Variants in HECW2 observed in about 807,000 individuals in gnomAD.
HECW2 encodes the protein E3 ubiquitin-protein ligase HECW2.
HECW2 carries 61 observed loss-of-function variants against 175.2 expected under a neutral mutation model. That is an observed-to-expected ratio of 0.35 (90% CI 0.28 to 0.43). The LOEUF is 0.43. Among genes scored for constraint, HECW2 ranks in the 20% least tolerant of loss-of-function variants. HECW2 has a pLI of 1.00. For missense variants in HECW2, 1,524 were observed against 2,000.5 expected (o/e 0.76, Z 4.54); for synonymous variants, 671 against 731.0 (o/e 0.92, Z 1.32).
chr2:196,334,119 T>G (rs1284116208), intron 4 of HECW2, among the ~76,000 whole-genome samples: 1 of 152,206 alleles, frequency 6.6e-6, no homozygotes. Context: ...TACCAACTGG[T>G]CACCCACACT....
intron 20 of HECW2, among the ~76,000 whole-genome samples, chr2:196,241,189 C>G (rs997951908): frequency 2.6e-5 from 4 of 152,124 alleles, no homozygotes; most frequent in African/African-American, 9.7e-5. Flanking sequence ...TCAATTTGCT[C>G]TTAATGTAAA....
chr2:196,472,284 T>C (rs1395248896), intron 1 of HECW2, among the ~76,000 whole-genome samples: 5 of 151,404 alleles, frequency 3.3e-5, no homozygotes, highest in Non-Finnish European at 7.4e-5. Context: ...AGGAGTTCAA[T>C]ACCAGCCTGG....
intron 1 of HECW2, among the ~76,000 whole-genome samples, chr2:196,586,293 T>A (rs1690972047): frequency 1.3e-5 from 2 of 152,222 alleles, no homozygotes; most frequent in South Asian, 4.1e-4. Context: ...TTGCCACAGT[T>A]CACCACGGGC....
rs548710319 is a variant in HECW2 at position 196,292,792 on chromosome 2, C to T, written c.2815-42G>A. 3.8e-4 allele frequency: 558 copies of T among 1,487,168 alleles called. 8 individuals carry two copies. In the South Asian group the frequency reaches 6.1e-3, roughly 16 times the overall value. The allele number at this position is 1,487,168 out of a possible 1,614,324, so 92.1% of individuals were successfully genotyped here. ...AGAACCAATGTTAACCCACTTGTGA[C>T]ATGCAGAAGCACCAGAAATACTACA... On this transcript the variant is annotated intron_variant, in intron 13 of 28. Coordinates refer to ENST00000644978, the MANE Select transcript of HECW2 (RefSeq NM_001348768.2).
intron 28 of HECW2, among the ~76,000 whole-genome samples, chr2:196,215,321 A>T (rs1687434658): frequency 6.6e-6 from 1 of 152,218 alleles, no homozygotes; most frequent in African/African-American, 2.4e-5. Context: ...TTGCAAAAGG[A>T]TCAGTCTTTT....
At chr2:196,334,311 A>C in intron 4 of HECW2, 113 bp downstream of exon 4, 1 of 752,960 alleles carries the variant, frequency 1.3e-6, no homozygotes, top group Non-Finnish European at 2.2e-6. Context: ...CCACACTGTT[A>C]TGTGTTTCCT....
intron 1 of HECW2, among the ~76,000 whole-genome samples, chr2:196,522,075 T>C (rs940843395): frequency 2.6e-5 from 4 of 152,206 alleles, no homozygotes; most frequent in Non-Finnish European, 5.9e-5. Flanking sequence ...TCCACAATGG[T>C]TGAACTAGTT....
At chr2:196,293,046 TA>T in intron 13 of HECW2, among the ~76,000 whole-genome samples, 1 of 152,340 alleles carries the variant, frequency 6.6e-6, no homozygotes, top group Non-Finnish European at 1.5e-5. Context: ...GCACGTTTGT[TA>T]AATAGGTAAA....
rs911175482 is a variant in HECW2 at position 196,194,155 on chromosome 2, T to C, written c.*7122A>G. On this transcript the variant is annotated 3_prime_UTR_variant, in exon 29 of 29. Coordinates refer to ENST00000644978, the MANE Select transcript of HECW2 (RefSeq NM_001348768.2). ...AAACAGTAAAATATTCTTGTAGGGATAAACAAAGTAGATTCCAAACAAAAT... is the reference window on the plus strand; with the variant it reads ...AAACAGTAAAATATTCTTGTAGGGACAAACAAAGTAGATTCCAAACAAAAT... 6.6e-6 allele frequency: 1 copy of C among 151,890 alleles called. No homozygotes were observed. The highest frequency in any genetic ancestry group is 2.4e-5 in the African/African-American group (1 of 41,392). The allele number at this position is 151,890 out of a possible 1,614,324, so 9.4% of individuals were successfully genotyped here.
intron 2 of HECW2, among the ~76,000 whole-genome samples, chr2:196,385,394 A>T (rs552313647): frequency 3.9e-4 from 59 of 152,340 alleles, no homozygotes; most frequent in African/African-American, 1.4e-3. Context: ...GCAAATTTTT[A>T]AAATATGATC....
chr2:196,433,274 G>A lies in HECW2; in HGVS notation c.150C>T (p.Thr50=), dbSNP rs199801775. The A allele has an allele frequency of 5.9e-5, 95 of 1,614,152 alleles. No homozygotes were observed. Among genetic ancestry groups the A allele is most frequent in the South Asian group, 4.2e-4 (38 of 91,082 alleles). ...AGCGGCTCTCAGAAGTCACCAGGTC[G>A]GTGTCGCTGTTGGCCCGCTGCAGGG... The part of the protein sequence containing the change: ...NMTLQRANSD[T]DLVTSESRSS... The change falls in exon 2 of 29, where the codon ACC becomes ACT. Residue 50 remains threonine (T), a synonymous_variant. Transcript: ENST00000644978.
At chr2:196,338,359 G>A (rs1692628442) in intron 3 of HECW2, among the ~76,000 whole-genome samples, 1 of 152,204 alleles carries the variant, frequency 6.6e-6, no homozygotes, top group Non-Finnish European at 1.5e-5. Flanking sequence ...TGCCTTCAGG[G>A]TGGGAAAACT....
chr2:196,343,795 T>C (rs984319139), intron 2 of HECW2, 31 bp from the exon 3 acceptor site: 3 of 1,340,960 alleles, frequency 2.2e-6, no homozygotes, highest in Non-Finnish European at 3.2e-6. Context: ...CTTTTCAGAT[T>C]AATTATAACC....
chr2:196,205,990 G>T (rs1455814), intron 28 of HECW2, among the ~76,000 whole-genome samples: 33,121 of 151,874 alleles, frequency 0.22, 4,428 homozygotes, highest in East Asian at 0.54. Context: ...ATGAGCCAAG[G>T]CCAGGAAAAA....
At chr2:196,417,568 C>T (rs551509999) in intron 2 of HECW2, among the ~76,000 whole-genome samples, 124 of 152,298 alleles carry the variant, frequency 8.1e-4, no homozygotes, top group African/African-American at 2.9e-3. Context: ...GCAAACAATG[C>T]TGATTTTTCA....
At chr2:196,360,574 C>A (rs1462143626) in intron 2 of HECW2, among the ~76,000 whole-genome samples, 1 of 151,152 alleles carries the variant, frequency 6.6e-6, no homozygotes, top group Non-Finnish European at 1.5e-5. Flanking sequence ...GAGAGAGGAT[C>A]AGAAAAAAAA....
At chr2:196,304,942 T>C (rs915777924) in intron 13 of HECW2, among the ~76,000 whole-genome samples, 1 of 152,210 alleles carries the variant, frequency 6.6e-6, no homozygotes, top group African/African-American at 2.4e-5. Context: ...GTTTTGCAAA[T>C]GATGCTTCTT....
chr2:196,257,585 A>G (rs13393053), intron 18 of HECW2, among the ~76,000 whole-genome samples: 14,718 of 152,202 alleles, frequency 0.097, 1,410 homozygotes, highest in African/African-American at 0.25. Context: ...CCCTTTTCCA[A>G]TACCATCTCC....
chr2:196,313,619 T>C (rs1250194854), intron 10 of HECW2, among the ~76,000 whole-genome samples: 1 of 152,124 alleles, frequency 6.6e-6, no homozygotes, highest in African/African-American at 2.4e-5. Context: ...AACTTAGTAC[T>C]AAGTCCAAGA....
Sources: allele counts gnomAD v4.1 joint callset (sites outside exome capture counted in the v4.1 genomes callset), GRCh38; gene constraint gnomAD v4.1.1; transcripts MANE v1.5; gene names NCBI Gene and HGNC (gene_info 2026-07-23, HGNC 2026-07-21).